The following RP1 variants were observed in gnomAD, a reference collection of about 807,000 sequenced individuals.
The protein encoded by RP1 is RP1 axonemal microtubule associated.
Under a neutral mutation model 14.8 loss-of-function variants are expected in RP1, and 16 were observed. That is an observed-to-expected ratio of 1.08 (90% CI 0.73 to 1.65). The LOEUF is 1.65. Among genes scored for constraint, RP1 ranks in the 40% most tolerant of loss-of-function variants. The probability of loss-of-function intolerance (pLI) is 0.00; values close to 1 mark genes in which losing one functional copy is unlikely to be tolerated. For synonymous variants in RP1, 876 were observed against 883.6 expected, an observed-to-expected ratio of 0.99 and a Z score of 0.15; for missense variants, 2,631 against 2,535.0, an observed-to-expected ratio of 1.04 and a Z score of -0.81.
intron 24 of RP1, among the ~76,000 whole-genome samples, chr8:54,826,242 C>G (rs1811384529): frequency 6.6e-6 from 1 of 152,034 alleles, no homozygotes; most frequent in African/African-American, 2.4e-5. Context: ...TTTTTGTAGG[C>G]AAAAATGTAA....
At chr8:54,591,043 C>G (rs1370424832) in intron 1 of RP1, among the ~76,000 whole-genome samples, 1 of 152,162 alleles carries the variant, frequency 6.6e-6, no homozygotes, top group Non-Finnish European at 1.5e-5. Flanking sequence ...CCCAACCAAT[C>G]CACTTATCGT....
chr8:54,675,295 A>G (rs1585597889), intron 8 of RP1, among the ~76,000 whole-genome samples: 1 of 152,138 alleles, frequency 6.6e-6, no homozygotes, highest in Non-Finnish European at 1.5e-5. Context: ...TTTTTGGTAA[A>G]GTTTATAATT....
intron 24 of RP1, among the ~76,000 whole-genome samples, chr8:54,826,438 TTGCCTACTG>T (rs1486406456): frequency 1.3e-5 from 2 of 152,228 alleles, no homozygotes; most frequent in African/African-American, 4.8e-5. Context: ...ATTGTTAGCT[TTGCCTACTG>T]TGGAGTTCTT....
intron 22 of RP1, among the ~76,000 whole-genome samples, chr8:54,765,828 C>G (rs983284473): frequency 6.6e-6 from 1 of 152,104 alleles, no homozygotes; most frequent in Non-Finnish European, 1.5e-5. Context: ...TGACTTAGAC[C>G]TTTATGCAAT....
At chr8:54,589,564 G>A (rs1804999187) in intron 1 of RP1, among the ~76,000 whole-genome samples, 1 of 151,854 alleles carries the variant, frequency 6.6e-6, no homozygotes, top group Admixed American at 6.6e-5. Flanking sequence ...CATCATTGTT[G>A]TTTCTGCTGC....
At position 54,813,145 on chromosome 8, in the gene RP1, G is replaced by T. The variant is rs937739701; in HGVS notation, c.3616-24305G>T. ...ATTGAACTCTAATTACACCTAAATT[G>T]TCTCGAGCAGTTCCCGAAGTCTAGT... On this transcript the variant is annotated intron_variant, in intron 24 of 28. Transcript: ENST00000637698. 2.0e-5 allele frequency among the ~76,000 whole-genome samples: 3 copies of T among 152,362 alleles called. 1 individual carries two copies. The East Asian group carries it at 5.8e-4, about 29-fold the overall frequency.
intron 16 of RP1, chr8:54,720,409 C>A: frequency 9.5e-7 from 1 of 1,047,498 alleles, no homozygotes; most frequent in Non-Finnish European, 1.3e-6. Flanking sequence ...ATCTCTGCTG[C>A]TAGGCTTTTT....
In RP1 at chr8:54,767,515, A is replaced by G. The variant is rs115106570; in HGVS notation, c.3249-2226A>G. On this transcript the variant is annotated intron_variant, in intron 22 of 22. Transcript: ENST00000636932. ...GCTGTGATTACAGGTGTGTGCCAAC[A>G]TGCCTGGACAATTTTTGGATTTTTA... Among the ~76,000 whole-genome samples, 1,101 of 152,162 alleles carry G rather than the reference A, an allele frequency of 7.2e-3. 9 individuals are homozygous for G. The highest frequency in any genetic ancestry group is 0.025 in the African/African-American group (1,038 of 41,510).
At chr8:54,700,486 TTTC>T (rs1223845105) in intron 13 of RP1, among the ~76,000 whole-genome samples, 1 of 152,126 alleles carries the variant, frequency 6.6e-6, no homozygotes, top group Non-Finnish European at 1.5e-5. Context: ...CATGAAGCCT[TTTC>T]TTCTCTGCTC....
At chr8:54,789,522 C>T (rs1487300220) in intron 24 of RP1, among the ~76,000 whole-genome samples, 1 of 152,160 alleles carries the variant, frequency 6.6e-6, no homozygotes, top group East Asian at 1.9e-4. Flanking sequence ...AACTATGGGG[C>T]AAACCTGTGT....
At chr8:54,593,080 C>A (rs1805075479) in intron 1 of RP1, among the ~76,000 whole-genome samples, 1 of 152,014 alleles carries the variant, frequency 6.6e-6, no homozygotes, top group Non-Finnish European at 1.5e-5. Context: ...AGTGCCTATC[C>A]CATGATTAGT....
intron 24 of RP1, among the ~76,000 whole-genome samples, chr8:54,807,216 G>A (rs966103488): frequency 1.3e-5 from 2 of 152,148 alleles, no homozygotes; most frequent in African/African-American, 4.8e-5. Context: ...AGCTCCATCA[G>A]CCTTTCATTA....
rs112323560 is a variant in RP1, at chr8:54,626,707, C to A, written c.2825C>A (p.Thr942Lys). ...IKSAPVCRNE[T>K]SVVNCSNNSF... is the part of the protein sequence containing the mutation. Reference sequence around the variant, plus strand: ...TCAGCTCCAGTATGTAGAAATGAAACGAGTGTGGTAAATTGTAGCAATAAT... The same window carrying A: ...TCAGCTCCAGTATGTAGAAATGAAAAGAGTGTGGTAAATTGTAGCAATAAT... The change falls in exon 4 of 4, where the codon ACG becomes AAG. Residue 942 changes from threonine (T) to lysine (K), a missense_variant. Transcript: ENST00000220676. 3 of 1,613,728 alleles carry A rather than the reference C, an allele frequency of 1.9e-6. No homozygotes were observed. In the African/African-American group the frequency reaches 4.0e-5, roughly 22 times the overall value.
At chr8:54,566,735 A>G (rs1486233434) in intron 1 of RP1, among the ~76,000 whole-genome samples, 1 of 152,208 alleles carries the variant, frequency 6.6e-6, no homozygotes, top group African/African-American at 2.4e-5. Flanking sequence ...CGCCACTGCT[A>G]CCACCAGACC....
chr8:54,861,413 T>A (rs1812338891), intron 27 of RP1, among the ~76,000 whole-genome samples: 1 of 152,220 alleles, frequency 6.6e-6, no homozygotes, highest in Non-Finnish European at 1.5e-5. Context: ...GTGACATGAT[T>A]TTTTTAACTC....
intron 19 of RP1, among the ~76,000 whole-genome samples, chr8:54,741,712 T>C (rs1213318645): frequency 1.9e-4 from 19 of 97,580 alleles, no homozygotes; most frequent in Non-Finnish European, 3.6e-4. Context: ...TGTGTGTATA[T>C]ATATATATAT....
intron 15 of RP1, among the ~76,000 whole-genome samples, chr8:54,715,496 C>T (rs1186159244): frequency 6.6e-6 from 1 of 151,966 alleles, no homozygotes; most frequent in Non-Finnish European, 1.5e-5. Context: ...TTAAAAATAC[C>T]ATTCCTTCAG....
intron 15 of RP1, among the ~76,000 whole-genome samples, chr8:54,714,008 C>T (rs1808346817): frequency 6.6e-6 from 1 of 152,182 alleles, no homozygotes; most frequent in South Asian, 2.1e-4. Context: ...AACTGTCTTC[C>T]TCCATGTCCT....
intron 17 of RP1, among the ~76,000 whole-genome samples, chr8:54,730,484 T>C (rs1808767793): frequency 2.6e-5 from 4 of 152,160 alleles, no homozygotes; most frequent in Admixed American, 2.6e-4. Flanking sequence ...TTTAGAATAA[T>C]GGTATTCCTT....
Sources: gnomAD v4.1 joint callset for allele counts (sites outside exome capture counted in the v4.1 genomes callset) on GRCh38, gnomAD v4.1.1 for gene constraint, MANE v1.5 for transcripts, NCBI Gene and HGNC (gene_info 2026-07-23, HGNC 2026-07-21) for gene names.